Variants in METTL15 observed in about 807,000 individuals in gnomAD.
METTL15 encodes the protein methyltransferase 15, mitochondrial 12S rRNA N4-cytidine, also known as 12S rRNA N(4)-cytidine methyltransferase METTL15.
METTL15 carries 34 observed loss-of-function variants against 38.3 expected under a neutral mutation model. The ratio of observed to expected loss-of-function variants is 0.89; its 90% CI spans 0.68 to 1.18. METTL15 has a LOEUF of 1.18. Among genes scored for constraint, METTL15 ranks in the 50% most tolerant of loss-of-function variants. METTL15 has a pLI of 0.00. For missense variants in METTL15, 438 were observed against 498.4 expected (o/e 0.88, Z 1.15); for synonymous variants, 162 against 170.9 (o/e 0.95, Z 0.41).
At chr11:28,400,390 G>C (rs900738421) in intron 5 of METTL15, among the ~76,000 whole-genome samples, 8 of 151,864 alleles carry the variant, frequency 5.3e-5, no homozygotes, top group Non-Finnish European at 1.0e-4. Flanking sequence ...TGACACCTTG[G>C]ACTGACCTCC....
At chr11:28,217,876 C>T (rs1380210969) in intron 4 of METTL15, among the ~76,000 whole-genome samples, 3 of 151,996 alleles carry the variant, frequency 2.0e-5, no homozygotes, top group South Asian at 2.1e-4. Flanking sequence ...TGTAGATATG[C>T]GGCATTTTTT....
intron 6 of METTL15, among the ~76,000 whole-genome samples, chr11:28,324,025 C>T (rs372352634): frequency 5.2e-4 from 79 of 152,226 alleles, no homozygotes; most frequent in African/African-American, 1.7e-3. Flanking sequence ...GTTTAGTGCA[C>T]GCTTACTTTT....
At chr11:28,301,750 T>A (rs1478700388) in intron 6 of METTL15, among the ~76,000 whole-genome samples, 1 of 152,188 alleles carries the variant, frequency 6.6e-6, no homozygotes, top group Non-Finnish European at 1.5e-5. Context: ...AAATAACATG[T>A]TTCACATTAC....
intron 5 of METTL15, among the ~76,000 whole-genome samples, chr11:28,394,342 A>G (rs1236864319): frequency 6.6e-6 from 1 of 152,130 alleles, no homozygotes; most frequent in African/African-American, 2.4e-5. Flanking sequence ...TTCATTCACA[A>G]CACAAATGCT....
intron 6 of METTL15, chr11:28,328,289 A>G: frequency 1.2e-6 from 1 of 840,062 alleles, no homozygotes; most frequent in Non-Finnish European, 1.8e-6. Flanking sequence ...TAATTTTTAT[A>G]GAGGAAAGAA....
rs1197956958 is a variant in METTL15 at position 28,149,586 on chromosome 11, G to C, written c.270+35982G>C. ...TAGATAAAATAATGAATTTGGATTA[G>C]GTAATTATTAGATTTAAAATATATG... On this transcript the variant is annotated intron_variant, in intron 3 of 6. Coordinates refer to ENST00000407364, the MANE Select transcript of METTL15 (RefSeq NM_001113528.2). Among the ~76,000 whole-genome samples the C allele has an allele frequency of 3.9e-5, 6 of 152,006 alleles. No individual in the cohort carries two copies. The South Asian group carries it at 1.0e-3, about 26-fold the overall frequency.
chr11:28,254,343 C>G (rs563189552), intron 4 of METTL15, among the ~76,000 whole-genome samples: 1 of 152,012 alleles, frequency 6.6e-6, no homozygotes, highest in South Asian at 2.1e-4. Context: ...ATTTTTTTCC[C>G]CCATGAGTTA....
At chr11:28,293,537 A>C (rs1021833838) in intron 5 of METTL15, among the ~76,000 whole-genome samples, 2 of 129,546 alleles carry the variant, frequency 1.5e-5, no homozygotes, top group Non-Finnish European at 3.4e-5. Flanking sequence ...TTGGTGATGC[A>C]GGCTCTTTTT....
chr11:28,262,291 A>G (rs1855235625), intron 4 of METTL15, among the ~76,000 whole-genome samples: 1 of 151,500 alleles, frequency 6.6e-6, no homozygotes, highest in African/African-American at 2.4e-5. Flanking sequence ...ATAGATATAT[A>G]TGTATATATA....
At chr11:28,296,390 A>C in intron 5 of METTL15, among the ~76,000 whole-genome samples, 1 of 152,134 alleles carries the variant, frequency 6.6e-6, no homozygotes, top group East Asian at 1.9e-4. Flanking sequence ...ACTGCAAAAA[A>C]CATTCAAGCA....
chr11:28,351,678 T>C (rs1850043112), intron 3 of METTL15, among the ~76,000 whole-genome samples: 1 of 152,186 alleles, frequency 6.6e-6, no homozygotes, highest in Non-Finnish European at 1.5e-5. Context: ...TGAGTATAAA[T>C]TAAGTGTAAA....
chr11:28,166,537 T>G (rs1026306438), intron 3 of METTL15, among the ~76,000 whole-genome samples: 1 of 152,220 alleles, frequency 6.6e-6, no homozygotes, highest in Non-Finnish European at 1.5e-5. Flanking sequence ...AGCCATAATG[T>G]GTAGTTTAAA....
At chr11:28,171,105 C>G (rs1850841973) in intron 3 of METTL15, among the ~76,000 whole-genome samples, 1 of 152,194 alleles carries the variant, frequency 6.6e-6, no homozygotes, top group Admixed American at 6.6e-5. Context: ...TCTGTTCCAT[C>G]TTTGAGCACT....
chr11:28,467,237 G>A (rs1277397608), intron 6 of METTL15, among the ~76,000 whole-genome samples: 47 of 152,176 alleles, frequency 3.1e-4, no homozygotes, highest in Admixed American at 3.1e-3. Flanking sequence ...AATGGCAGGG[G>A]TAGAGGGGTG....
chr11:28,174,356 T>G (rs931241592), intron 3 of METTL15, among the ~76,000 whole-genome samples: 1 of 152,238 alleles, frequency 6.6e-6, no homozygotes, highest in African/African-American at 2.4e-5. Flanking sequence ...CCACTGCATT[T>G]TATTATAACC....
intron 4 of METTL15, among the ~76,000 whole-genome samples, chr11:28,219,611 T>C (rs1853090492): frequency 6.6e-6 from 1 of 152,168 alleles, no homozygotes. Flanking sequence ...AGCTTTTGAA[T>C]GTGTGTGCTC....
intron 6 of METTL15, among the ~76,000 whole-genome samples, chr11:28,437,657 T>C (rs1850995044): frequency 6.6e-6 from 1 of 152,232 alleles, no homozygotes; most frequent in African/African-American, 2.4e-5. Context: ...AAATCTCTCC[T>C]TTTCAGTCAA....
chr11:28,441,829 C>T (rs1851037243), intron 6 of METTL15, among the ~76,000 whole-genome samples: 1 of 152,182 alleles, frequency 6.6e-6, no homozygotes, highest in Non-Finnish European at 1.5e-5. Context: ...CCCTTCCAAT[C>T]AACCCAGATT....
downstream of METTL15, among the ~76,000 whole-genome samples, chr11:28,335,245 T>G (rs1849890515): frequency 6.6e-6 from 1 of 152,168 alleles, no homozygotes; most frequent in African/African-American, 2.4e-5. Context: ...ATTATTCAAG[T>G]CTTATAGGTG....
Sources: allele counts gnomAD v4.1 joint callset (sites outside exome capture counted in the v4.1 genomes callset), GRCh38; gene constraint gnomAD v4.1.1; transcripts MANE v1.5; gene names NCBI Gene and HGNC (gene_info 2026-07-23, HGNC 2026-07-21).